The following TBC1D5 variants were observed in gnomAD, a reference collection of about 807,000 sequenced individuals.
TBC1D5 encodes TBC1 domain family member 5.
TBC1D5 carries 75 observed loss-of-function variants against 100.3 expected under a neutral mutation model. The ratio of observed to expected loss-of-function variants is 0.75; its 90% CI spans 0.62 to 0.91. The LOEUF (loss-of-function observed/expected upper bound fraction) is 0.91, where lower values mean the gene tolerates loss of function less well. Among genes scored for constraint, TBC1D5 ranks in the 40% least tolerant of loss-of-function variants. The pLI, the probability that TBC1D5 is intolerant of heterozygous loss-of-function variation, is 0.00. For synonymous variants in TBC1D5, 323 were observed against 325.6 expected (o/e 0.99, Z 0.09); for missense variants, 910 against 942.4 (o/e 0.97, Z 0.45).
At chr3:17,564,448 T>C (rs2096581293) in intron 2 of TBC1D5, among the ~76,000 whole-genome samples, 1 of 152,168 alleles carries the variant, frequency 6.6e-6, no homozygotes, top group South Asian at 2.1e-4. Flanking sequence ...TTAAGCTTCA[T>C]GGGCCTACAG....
At chr3:17,265,239 ATTT>A (rs2078729962) in intron 15 of TBC1D5, among the ~76,000 whole-genome samples, 2 of 128,732 alleles carry the variant, frequency 1.6e-5, no homozygotes, top group Non-Finnish European at 3.3e-5. Context: ...GATAGTCACA[ATTT>A]TTACATTAAA....
chr3:17,363,288 C>T (rs1297066136), intron 13 of TBC1D5, among the ~76,000 whole-genome samples: 3 of 152,004 alleles, frequency 2.0e-5, no homozygotes, highest in Admixed American at 6.6e-5. Context: ...TGTTTATATG[C>T]TTAAAAGTAA....
chr3:17,474,085 AAATT>A lies in TBC1D5; in HGVS notation c.97+34385_97+34388del, dbSNP rs376751093. 4.3e-3 allele frequency among the ~76,000 whole-genome samples: 649 copies of A among 152,272 alleles called. 1 individual carries two copies. The highest frequency in any genetic ancestry group is 0.015 in the African/African-American group (628 of 41,562). ...ACTTAACAAGGAGTAAACTGACATA[AAATT>A]AAGAGAGATGCAGACAAAACTTTGA... On this transcript the variant is annotated intron_variant, in intron 3 of 21. Transcript: ENST00000253692.
chr3:17,659,218 G>C (rs2066413182), intron 1 of TBC1D5, among the ~76,000 whole-genome samples: 1 of 152,184 alleles, frequency 6.6e-6, no homozygotes, highest in Admixed American at 6.5e-5. Context: ...AATAGAACGA[G>C]TGGATTTGTG....
intron 2 of TBC1D5, among the ~76,000 whole-genome samples, chr3:17,618,295 C>A (rs1195626589): frequency 6.6e-6 from 1 of 152,156 alleles, no homozygotes; most frequent in African/African-American, 2.4e-5. Context: ...GGGCACCCGC[C>A]TGTATGAGGT....
intron 13 of TBC1D5, among the ~76,000 whole-genome samples, chr3:17,358,844 T>C (rs2091457304): frequency 1.3e-5 from 2 of 152,048 alleles, no homozygotes; most frequent in African/African-American, 4.8e-5. Flanking sequence ...ATAAGAACCT[T>C]TGGAGATGGT....
intron 1 of TBC1D5, among the ~76,000 whole-genome samples, chr3:17,656,168 C>G (rs568092835): frequency 6.6e-6 from 1 of 152,290 alleles, no homozygotes; most frequent in South Asian, 2.1e-4. Context: ...CTCAAAGAAG[C>G]TGCCCTGAAT....
exon 22 of TBC1D5, chr3:17,159,343 T>C (rs1318208709): frequency 6.6e-6 from 1 of 152,214 alleles, no homozygotes; most frequent in Non-Finnish European, 1.5e-5. Flanking sequence ...CATTATCACA[T>C]TTGTCTATAG....
intron 18 of TBC1D5, among the ~76,000 whole-genome samples, chr3:17,187,236 A>C (rs1224374987): frequency 6.6e-6 from 1 of 152,154 alleles, no homozygotes; most frequent in Non-Finnish European, 1.5e-5. Flanking sequence ...TTGAATCTGG[A>C]CTGGCCTATG....
At chr3:17,203,348 T>C (rs999473323) in intron 18 of TBC1D5, among the ~76,000 whole-genome samples, 6 of 152,204 alleles carry the variant, frequency 3.9e-5, no homozygotes, top group African/African-American at 1.4e-4. Context: ...AGTAACTAGT[T>C]TTTAATTTTA....
chr3:17,386,578 A>G lies in TBC1D5; in HGVS notation c.510-2563T>C, dbSNP rs185201950. ...TCTGCCAATCATTGAGTTTTGGCCA[A>G]TCAAATGTAGCCAACTGTTCAACCC... is the stretch of plus-strand genomic sequence containing the variant. On this transcript the variant is annotated intron_variant, in intron 8 of 21. Coordinates refer to ENST00000253692, the Ensembl canonical transcript of TBC1D5. 3.5e-3 allele frequency among the ~76,000 whole-genome samples: 532 copies of G among 152,264 alleles called. 1 individual carries two copies. Among genetic ancestry groups the G allele is most frequent in the Non-Finnish European group, 5.8e-3 (395 of 68,000 alleles).
rs115234479 is a variant in TBC1D5 at position 17,713,911 on chromosome 3, A to G, written c.-101+25432T>C. Among the ~76,000 whole-genome samples, 1,214 of 152,326 alleles carry G rather than the reference A, an allele frequency of 8.0e-3. 21 individuals carry two copies. Among genetic ancestry groups the G allele is most frequent in the African/African-American group, 0.028 (1,163 of 41,566 alleles). On this transcript the variant is annotated intron_variant, in intron 1 of 21. Transcript: ENST00000253692. ...AAACATCAAAAAATAAGCAGTAACT[A>G]TAAGAACCAGTTTTGTCAAAATCAT...
At chr3:17,567,441 A>G (rs1377593493) in intron 2 of TBC1D5, among the ~76,000 whole-genome samples, 1 of 151,812 alleles carries the variant, frequency 6.6e-6, no homozygotes, top group African/African-American at 2.4e-5. Context: ...GTAAACAACA[A>G]TCTAATTAAA....
intron 13 of TBC1D5, among the ~76,000 whole-genome samples, chr3:17,319,742 C>A (rs1339450494): frequency 6.6e-6 from 1 of 152,012 alleles, no homozygotes; most frequent in Non-Finnish European, 1.5e-5. Context: ...GGGTGGCGGG[C>A]ACCTGTAGCT....
At chr3:17,532,323 AAGTC>A (rs1482023332) in intron 2 of TBC1D5, among the ~76,000 whole-genome samples, 1 of 152,224 alleles carries the variant, frequency 6.6e-6, no homozygotes, top group Non-Finnish European at 1.5e-5. Context: ...GATCATTAAA[AAGTC>A]AGGAAACAAC....
rs921953506 is a variant in TBC1D5 at position 17,389,160 on chromosome 3, T to C, written c.510-5145A>G. 4.6e-5 allele frequency among the ~76,000 whole-genome samples: 7 copies of C among 152,212 alleles called. No individual in the cohort carries two copies. The South Asian group carries it at 1.4e-3, about 32-fold the overall frequency. ...TTTTATCCTGTAGAAGCTTCCCACA[T>C]TCAGAATTTTACGTATTGTGCCTCC... On this transcript the variant is annotated intron_variant, in intron 8 of 21. Transcript: ENST00000253692.
At chr3:17,673,192 G>C (rs1394781915) in intron 1 of TBC1D5, among the ~76,000 whole-genome samples, 3 of 152,096 alleles carry the variant, frequency 2.0e-5, no homozygotes, top group Non-Finnish European at 2.9e-5. Context: ...ACCAATTTCG[G>C]TATGGCAGTT....
At chr3:17,658,574 C>T (rs1445894531) in intron 1 of TBC1D5, among the ~76,000 whole-genome samples, 3 of 152,186 alleles carry the variant, frequency 2.0e-5, no homozygotes, top group African/African-American at 4.8e-5. Flanking sequence ...AAAAGGCAAT[C>T]TGTTCAGAAT....
chr3:17,719,676 A>C (rs2075534525), intron 1 of TBC1D5, among the ~76,000 whole-genome samples: 1 of 152,196 alleles, frequency 6.6e-6, no homozygotes, highest in South Asian at 2.1e-4. Flanking sequence ...AAAATCAAAA[A>C]ATATCATTTT....
Sources: gnomAD v4.1 joint callset for allele counts (sites outside exome capture counted in the v4.1 genomes callset) on GRCh38, gnomAD v4.1.1 for gene constraint, MANE v1.5 for transcripts, NCBI Gene and HGNC (gene_info 2026-07-23, HGNC 2026-07-21) for gene names.